CCDC102B: variants seen among roughly 807,000 people sequenced by gnomAD.
CCDC102B encodes the protein coiled-coil domain-containing protein 102B.
Under a neutral mutation model 57.4 loss-of-function variants are expected in CCDC102B, and 75 were observed. The observed-to-expected ratio is 1.31, with a 90% CI of 1.08 to 1.58. The LOEUF (loss-of-function observed/expected upper bound fraction) is 1.58. CCDC102B is among the 40% of genes most tolerant of loss of function. CCDC102B has a pLI of 0.00. For missense variants in CCDC102B, 636 were observed against 582.6 expected, an observed-to-expected ratio of 1.09 and a Z score of -0.94; for synonymous variants, 206 against 201.9, an observed-to-expected ratio of 1.02 and a Z score of -0.17.
chr18:68,935,050 C>T (rs547161062), intron 6 of CCDC102B, among the ~76,000 whole-genome samples: 11 of 151,888 alleles, frequency 7.2e-5, no homozygotes, highest in African/African-American at 2.2e-4. Context: ...GTGCATGCCC[C>T]GGCTTGCCAC....
chr18:69,012,655 C>T (rs1162303643), intron 7 of CCDC102B, among the ~76,000 whole-genome samples: 1 of 151,936 alleles, frequency 6.6e-6, no homozygotes, highest in African/African-American at 2.4e-5. Context: ...TACATCTTTT[C>T]TGTCATGTCT....
chr18:68,917,529 C>T (rs978997987), intron 6 of CCDC102B, among the ~76,000 whole-genome samples: 2 of 152,238 alleles, frequency 1.3e-5, no homozygotes, highest in African/African-American at 2.4e-5. Context: ...CTGTACCTTA[C>T]ATCCTGTTGT....
intron 6 of CCDC102B, among the ~76,000 whole-genome samples, chr18:68,995,754 CA>C (rs1450561759): frequency 1.3e-5 from 2 of 152,176 alleles, no homozygotes; most frequent in African/African-American, 4.8e-5. Flanking sequence ...AGCCCCCACA[CA>C]GAGTCCCGAC....
chr18:68,732,574 T>C (rs965626383), intron 2 of CCDC102B, among the ~76,000 whole-genome samples: 3 of 152,056 alleles, frequency 2.0e-5, no homozygotes, highest in South Asian at 2.1e-4. Flanking sequence ...CTTGAACTCC[T>C]GACCTCAGGC....
chr18:68,930,604 T>G (rs1037553717), intron 6 of CCDC102B, among the ~76,000 whole-genome samples: 1 of 151,840 alleles, frequency 6.6e-6, no homozygotes. Flanking sequence ...GGCCTTCTGC[T>G]CTATCTCTGT....
At chr18:68,890,433 C>T (rs1187202307) in intron 5 of CCDC102B, among the ~76,000 whole-genome samples, 1 of 152,104 alleles carries the variant, frequency 6.6e-6, no homozygotes, top group Non-Finnish European at 1.5e-5. Context: ...CACCATGTTA[C>T]CTAGGCTGCT....
intron 1 of CCDC102B, among the ~76,000 whole-genome samples, chr18:68,808,317 C>G (rs1049107472): frequency 6.6e-6 from 1 of 151,916 alleles, no homozygotes; most frequent in Non-Finnish European, 1.5e-5. Context: ...GTGGCCAGGA[C>G]AAAGAAGTCA....
chr18:68,790,512 GGC>G (rs2035411642), intron 2 of CCDC102B, among the ~76,000 whole-genome samples: 2 of 152,142 alleles, frequency 1.3e-5, no homozygotes, highest in African/African-American at 2.4e-5. Flanking sequence ...TCCGAGCCAG[GGC>G]GGGATATAAT....
intron 2 of CCDC102B, among the ~76,000 whole-genome samples, chr18:68,722,892 T>G (rs918224866): frequency 1.3e-5 from 2 of 151,756 alleles, no homozygotes; most frequent in Non-Finnish European, 2.9e-5. Flanking sequence ...TTTTTTCTTT[T>G]TGCAACCTTT....
chr18:69,039,109 A>C (rs17080118), intron 7 of CCDC102B, among the ~76,000 whole-genome samples: 1 of 152,036 alleles, frequency 6.6e-6, no homozygotes, highest in African/African-American at 2.4e-5. Flanking sequence ...TCTCCATCGC[A>C]AAAATGTCAC....
At chr18:69,042,080 C>T (rs1046638950) in intron 7 of CCDC102B, among the ~76,000 whole-genome samples, 8 of 152,004 alleles carry the variant, frequency 5.3e-5, no homozygotes, top group African/African-American at 1.9e-4. Flanking sequence ...AGAACATTTT[C>T]TAACCAGGCT....
At chr18:68,769,561 T>A (rs1253390506) in intron 2 of CCDC102B, among the ~76,000 whole-genome samples, 1 of 152,064 alleles carries the variant, frequency 6.6e-6, no homozygotes, top group African/African-American at 2.4e-5. Context: ...CTCCCTCCAA[T>A]CAAAGCCTTG....
intron 1 of CCDC102B, among the ~76,000 whole-genome samples, chr18:68,830,647 A>G (rs2037107482): frequency 6.6e-6 from 1 of 151,372 alleles, no homozygotes; most frequent in Non-Finnish European, 1.5e-5. Context: ...TGTTTATTCC[A>G]TATATATTCT....
chr18:68,724,627 C>A (rs2362106), intron 2 of CCDC102B, among the ~76,000 whole-genome samples: 1 of 152,134 alleles, frequency 6.6e-6, no homozygotes, highest in African/African-American at 2.4e-5. Context: ...TCTGAGACCA[C>A]CTCAGCCTGT....
At position 69,036,912 on chromosome 18, in the gene CCDC102B, G is replaced by A. The variant is rs117694081; in HGVS notation, c.1435-17118G>A. Among the ~76,000 whole-genome samples, 638 of 152,046 alleles carry A rather than the reference G, an allele frequency of 4.2e-3. 5 individuals carry two copies. Among genetic ancestry groups the A allele is most frequent in the South Asian group, 0.024 (115 of 4,822 alleles). ...GAAGGAATAGTCAGTACACATCCTC[G>A]ATTGAAGTTATCAAATAGAGAAAAA... On this transcript the variant is annotated intron_variant, in intron 7 of 7. Transcript: ENST00000360242.
chr18:69,013,151 A>T (rs1046675983), intron 7 of CCDC102B, among the ~76,000 whole-genome samples: 1 of 152,206 alleles, frequency 6.6e-6, no homozygotes, highest in Admixed American at 6.5e-5. Context: ...GGAGGAGTGG[A>T]TTAAAAATAT....
intron 2 of CCDC102B, among the ~76,000 whole-genome samples, chr18:68,722,594 A>AGT (rs1568217014): frequency 6.6e-6 from 1 of 152,224 alleles, no homozygotes; most frequent in Non-Finnish European, 1.5e-5. Flanking sequence ...TAAATTTAAA[A>AGT]AAGAAAAGGT....
At chr18:69,043,528 A>T (rs984921142) in intron 7 of CCDC102B, among the ~76,000 whole-genome samples, 1 of 152,022 alleles carries the variant, frequency 6.6e-6, no homozygotes, top group African/African-American at 2.4e-5. Context: ...GGCCTTCCTC[A>T]GTGTTTGTGT....
intron 2 of CCDC102B, among the ~76,000 whole-genome samples, chr18:68,752,507 C>T (rs2033897075): frequency 6.7e-6 from 1 of 149,256 alleles, no homozygotes; most frequent in Non-Finnish European, 1.5e-5. Context: ...GCACAACCAA[C>T]ATAGGAAATA....
Sources: gnomAD v4.1 joint callset for allele counts (sites outside exome capture counted in the v4.1 genomes callset) on GRCh38, gnomAD v4.1.1 for gene constraint, MANE v1.5 for transcripts, NCBI Gene and HGNC (gene_info 2026-07-23, HGNC 2026-07-21) for gene names.